The following ANKRD12 variants were observed in gnomAD, a reference collection of about 807,000 sequenced individuals.
ANKRD12 encodes the protein ankyrin repeat domain-containing protein 12.
A neutral mutation model predicts 183.4 loss-of-function variants in ANKRD12; 85 were observed. That is an observed-to-expected ratio of 0.46 (90% CI 0.39 to 0.56). The LOEUF is 0.56. ANKRD12 is among the 20% of genes least tolerant of loss of function. ANKRD12 has a pLI of 0.00. For synonymous variants in ANKRD12, 914 were observed against 800.2 expected (o/e 1.14, Z -2.40); for missense variants, 2,405 against 2,357.1 (o/e 1.02, Z -0.42).
chr18:9,251,698 A>G (rs1477394286), intron 8 of ANKRD12, among the ~76,000 whole-genome samples: 2 of 152,034 alleles, frequency 1.3e-5, no homozygotes, highest in Non-Finnish European at 2.9e-5. Context: ...GGAGGCTGAG[A>G]CAGGAGAACT....
At chr18:9,184,672 G>A (rs539051657) in intron 2 of ANKRD12, among the ~76,000 whole-genome samples, 3 of 152,080 alleles carry the variant, frequency 2.0e-5, no homozygotes, top group South Asian at 4.2e-4. Context: ...CACCCTGGCC[G>A]ATGTTGCCAT....
intron 3 of ANKRD12, among the ~76,000 whole-genome samples, chr18:9,200,323 A>G (rs763439012): frequency 1.3e-5 from 2 of 152,156 alleles, no homozygotes; most frequent in Admixed American, 1.3e-4. Flanking sequence ...CAAATCACCA[A>G]CATATTATTT....
chr18:9,210,865 C>T lies in ANKRD12; in HGVS notation c.452-719C>T, dbSNP rs186562492. ...TCCATATATTTCTTTTCTCTTAGAG[C>T]AGTTCCTTTTATATAGTTGTAAATT... On this transcript the variant is annotated intron_variant, in intron 5 of 12. Transcript: ENST00000262126. Among the ~76,000 whole-genome samples, 10 of 151,436 alleles carry T rather than the reference C, an allele frequency of 6.6e-5. No individual in the cohort carries two copies. The East Asian group carries it at 1.2e-3, about 18-fold the overall frequency.
At chr18:9,227,276 GTATT>G (rs367992166) in intron 8 of ANKRD12, among the ~76,000 whole-genome samples, 9 of 152,242 alleles carry the variant, frequency 5.9e-5, no homozygotes, top group African/African-American at 1.9e-4. Flanking sequence ...ATAGTGTTCA[GTATT>G]TATTTCTCTA....
chr18:9,231,036 C>G (rs1333611176), intron 8 of ANKRD12, among the ~76,000 whole-genome samples: 1 of 152,056 alleles, frequency 6.6e-6, no homozygotes, highest in African/African-American at 2.4e-5. Flanking sequence ...AGTGGTCGTT[C>G]ATGAGCATAT....
At chr18:9,194,765 A>G (rs2034671864) in intron 2 of ANKRD12, among the ~76,000 whole-genome samples, 1 of 152,186 alleles carries the variant, frequency 6.6e-6, no homozygotes, top group Non-Finnish European at 1.5e-5. Context: ...TTCTATTCAA[A>G]ATATTTTGTT....
intron 1 of ANKRD12, among the ~76,000 whole-genome samples, chr18:9,181,361 G>A (rs918489191): frequency 6.6e-6 from 1 of 152,146 alleles, no homozygotes; most frequent in Non-Finnish European, 1.5e-5. Flanking sequence ...CTCTGTTCAA[G>A]GTGTCTGAGT....
chr18:9,195,814 C>A, intron 3 of ANKRD12, 116 bp downstream of exon 3: 1 of 965,402 alleles, frequency 1.0e-6, no homozygotes, highest in Non-Finnish European at 1.5e-6. Context: ...TTGTATTTCA[C>A]TATTTCAGAT....
intron 9 of ANKRD12, among the ~76,000 whole-genome samples, chr18:9,262,904 T>G (rs1464091544): frequency 7.2e-6 from 1 of 139,782 alleles, no homozygotes; most frequent in Non-Finnish European, 1.5e-5. Flanking sequence ...GTTCAAGCAA[T>G]TTTCCTGCCT....
chr18:9,175,523 CTTTTTTTTTTTT>C lies in ANKRD12; in HGVS notation c.-51-6842_-51-6831del, dbSNP rs33944736. Among the ~76,000 whole-genome samples, 38 of 53,310 alleles carry C rather than the reference CTTTTTTTTTTTT, an allele frequency of 7.1e-4. 1 individual carries two copies. Among genetic ancestry groups the C allele is most frequent in the South Asian group, 1.0e-3 (1 of 958 alleles). The allele number at this position is 53,310 out of a possible 152,430, so 35.0% of individuals were successfully genotyped here. A position where few individuals can be genotyped will look rare whatever the true frequency, so the allele number is the denominator to read the frequency against. ...CTTGATCAGTTTTTCAAAGGCTCCT[CTTTTTTTTTTTT>C]TTTTTTTTTTTTTTTTGAGACAGTC... On this transcript the variant is annotated intron_variant, in intron 1 of 12. Coordinates refer to ENST00000262126, the MANE Select transcript of ANKRD12 (RefSeq NM_015208.5).
chr18:9,150,302 G>A (rs1276997471), intron 1 of ANKRD12, among the ~76,000 whole-genome samples: 2 of 152,060 alleles, frequency 1.3e-5, no homozygotes, highest in Non-Finnish European at 2.9e-5. Context: ...ACCACTGTCT[G>A]AAGCACTCCG....
intron 10 of ANKRD12, among the ~76,000 whole-genome samples, chr18:9,270,576 G>C (rs574936920): frequency 6.6e-5 from 10 of 152,220 alleles, no homozygotes; most frequent in South Asian, 2.1e-4. Flanking sequence ...GAGAACACAT[G>C]GACACAGGAA....
intron 10 of ANKRD12, among the ~76,000 whole-genome samples, chr18:9,273,234 C>G (rs756581496): frequency 6.6e-6 from 1 of 152,050 alleles, no homozygotes; most frequent in Non-Finnish European, 1.5e-5. Context: ...CAGGAATTCT[C>G]AGTTTGCTAA....
intron 1 of ANKRD12, among the ~76,000 whole-genome samples, chr18:9,171,150 C>G (rs2032682144): frequency 6.6e-6 from 1 of 152,140 alleles, no homozygotes; most frequent in Non-Finnish European, 1.5e-5. Context: ...ACTCGGGGGT[C>G]AAGGACCCAC....
intron 1 of ANKRD12, among the ~76,000 whole-genome samples, chr18:9,166,480 A>G (rs962745713): frequency 5.9e-5 from 9 of 152,156 alleles, no homozygotes; most frequent in African/African-American, 2.2e-4. Flanking sequence ...AGTGATGATG[A>G]GCATTTTTTC....
rs555157055 is a variant in ANKRD12, at chr18:9,268,807, A to T, written c.5763+4919A>T. On this transcript the variant is annotated intron_variant, in intron 10 of 12. Coordinates refer to ENST00000262126, the MANE Select transcript of ANKRD12 (RefSeq NM_015208.5). The stretch of plus-strand genomic sequence containing the variant: ...CAGGAGAAGGAAATAAAGGGTATTC[A>T]ATTAGGAAAAGAGGAAGTCAAATTG... Among the ~76,000 whole-genome samples, 531 of 152,288 alleles carry T rather than the reference A, an allele frequency of 3.5e-3. 4 individuals carry two copies. The highest frequency in any genetic ancestry group is 6.3e-3 in the Non-Finnish European group (430 of 68,028).
chr18:9,156,570 T>C (rs542365348), intron 1 of ANKRD12, among the ~76,000 whole-genome samples: 2 of 152,326 alleles, frequency 1.3e-5, no homozygotes, highest in African/African-American at 4.8e-5. Context: ...TAAGATTGAA[T>C]GTATTCTGAT....
In ANKRD12 at chr18:9,256,544, C is replaced by G. The variant is rs2038637651; in HGVS notation, c.3277C>G (p.Gln1093Glu). 1.3e-6 allele frequency: 2 copies of G among 1,599,162 alleles called. No individual in the cohort carries two copies. The highest frequency in any genetic ancestry group is 1.8e-5 in the Admixed American group (1 of 56,146). The change falls in exon 9 of 13, where the codon CAG becomes GAG. Residue 1093 changes from glutamine to glutamate, a missense_variant. Coordinates refer to ENST00000262126, the MANE Select transcript of ANKRD12 (RefSeq NM_015208.5). The stretch of plus-strand genomic sequence containing the variant: ...AAGCCTTAAAGACCTAGAAATAGAA[C>G]AGTGGCACAAAAAACATAAGGAAAA... ...MLSLKDLEIE[Q>E]WHKKHKEKIK...
intron 1 of ANKRD12, among the ~76,000 whole-genome samples, chr18:9,177,590 C>G (rs1281354841): frequency 6.6e-6 from 1 of 152,098 alleles, no homozygotes; most frequent in East Asian, 1.9e-4. Context: ...TCAGAATGTT[C>G]CCAAATAGCT....
Sources: gnomAD v4.1 joint callset for allele counts (sites outside exome capture counted in the v4.1 genomes callset) on GRCh38, gnomAD v4.1.1 for gene constraint, MANE v1.5 for transcripts, NCBI Gene and HGNC (gene_info 2026-07-23, HGNC 2026-07-21) for gene names.